The following ALK variants were observed in gnomAD, a reference collection of about 807,000 sequenced individuals.
ALK encodes the protein ALK tyrosine kinase receptor.
A neutral mutation model predicts 163.1 loss-of-function variants in ALK; 74 were observed. The observed-to-expected ratio is 0.45, with a 90% CI of 0.38 to 0.55. The LOEUF is 0.55. Among genes scored for constraint, ALK ranks in the 20% least tolerant of loss-of-function variants. ALK has a pLI of 0.00. For missense variants in ALK, 2,063 were observed against 2,105.3 expected (o/e 0.98, Z 0.39); for synonymous variants, 960 against 843.2 (o/e 1.14, Z -2.40).
chr2:29,714,987 A>G (rs1679205868), intron 2 of ALK, among the ~76,000 whole-genome samples: 1 of 152,020 alleles, frequency 6.6e-6, no homozygotes, highest in Non-Finnish European at 1.5e-5. Context: ...CCCACCGGGG[A>G]CACTATGGCA....
intron 3 of ALK, among the ~76,000 whole-genome samples, chr2:29,542,271 T>C (rs542372690): frequency 6.6e-6 from 1 of 152,340 alleles, no homozygotes; most frequent in Non-Finnish European, 1.5e-5. Context: ...ATTTATTTTA[T>C]ATCTGTCTTC....
At chr2:29,797,973 A>T (rs2148362022) in intron 1 of ALK, among the ~76,000 whole-genome samples, 1 of 152,274 alleles carries the variant, frequency 6.6e-6, no homozygotes, top group Admixed American at 6.5e-5. Flanking sequence ...CGGGGTGGTA[A>T]GCTCCATATC....
At chr2:29,488,389 G>A (rs2148123208) in intron 4 of ALK, among the ~76,000 whole-genome samples, 1 of 152,170 alleles carries the variant, frequency 6.6e-6, no homozygotes, top group East Asian at 1.9e-4. Flanking sequence ...CTCAAACACT[G>A]GTGACTCACC....
Position 29,227,707 on chromosome 2 carries a change from G to T in ALK, c.2816-35C>A. The T allele has an allele frequency of 1.9e-6, 3 of 1,563,518 alleles. No homozygotes were observed. Among genetic ancestry groups the T allele is most frequent in the Non-Finnish European group, 2.6e-6 (3 of 1,134,904 alleles). Reference sequence around the variant, plus strand: ...AAACCAGAGCAGAGTTTAACATGGGGGGTGGGTGCCAAAATCTTAACACAC... The same window carrying T: ...AAACCAGAGCAGAGTTTAACATGGGTGGTGGGTGCCAAAATCTTAACACAC... On this transcript the variant is annotated intron_variant, in intron 16 of 28. Transcript: ENST00000389048. This position sits in a 1 kb window ranked among gnomAD's most constrained non-coding sequence, Gnocchi z 4.4.
intron 3 of ALK, among the ~76,000 whole-genome samples, chr2:29,630,802 A>T (rs1377550525): frequency 6.6e-6 from 1 of 152,108 alleles, no homozygotes; most frequent in Non-Finnish European, 1.5e-5. Flanking sequence ...CAAGACTTTT[A>T]GCCTAGTTAC....
chr2:29,313,616 G>A (rs1281107718), intron 8 of ALK, among the ~76,000 whole-genome samples: 1 of 152,198 alleles, frequency 6.6e-6, no homozygotes, highest in Non-Finnish European at 1.5e-5. Flanking sequence ...AGGGCAGTGT[G>A]ACAGGAAGAG....
At chr2:29,258,177 A>G (rs1234913658) in intron 11 of ALK, among the ~76,000 whole-genome samples, 2 of 152,278 alleles carry the variant, frequency 1.3e-5, no homozygotes, top group East Asian at 3.9e-4. Flanking sequence ...TGACTGCAGC[A>G]TTTCCCAGAT....
intron 4 of ALK, among the ~76,000 whole-genome samples, chr2:29,500,735 C>T (rs944674418): frequency 7.2e-5 from 11 of 152,140 alleles, no homozygotes; most frequent in African/African-American, 2.7e-4. Flanking sequence ...CTGACCCTGT[C>T]TCATCCATCC....
At chr2:29,658,813 C>T (rs1156461316) in intron 3 of ALK, among the ~76,000 whole-genome samples, 1 of 152,134 alleles carries the variant, frequency 6.6e-6, no homozygotes, top group Non-Finnish European at 1.5e-5. Flanking sequence ...TACATACTCA[C>T]CCCTAGAATA....
intron 1 of ALK, among the ~76,000 whole-genome samples, chr2:29,850,997 C>A (rs148142043): frequency 1.3e-5 from 2 of 152,174 alleles, no homozygotes; most frequent in Non-Finnish European, 2.9e-5. Flanking sequence ...CTTCTCAATC[C>A]CCTGAAAGGA....
chr2:29,585,928 A>G (rs1204585125), intron 3 of ALK, among the ~76,000 whole-genome samples: 1 of 152,130 alleles, frequency 6.6e-6, no homozygotes, highest in Non-Finnish European at 1.5e-5. Context: ...GAGAATTAGT[A>G]GTTTAAAATA....
intron 4 of ALK, among the ~76,000 whole-genome samples, chr2:29,403,551 C>A (rs546993220): frequency 3.3e-5 from 5 of 151,712 alleles, no homozygotes; most frequent in African/African-American, 1.2e-4. Flanking sequence ...AATGTTACTG[C>A]GGTTAATCTT....
intron 3 of ALK, among the ~76,000 whole-genome samples, chr2:29,641,336 T>G (rs1343761757): frequency 1.3e-5 from 2 of 151,968 alleles, no homozygotes; most frequent in Admixed American, 1.3e-4. Context: ...GGCAAGAGTC[T>G]TGAATGAACA....
chr2:29,831,780 G>A (rs1034647095), intron 1 of ALK, among the ~76,000 whole-genome samples: 1 of 152,146 alleles, frequency 6.6e-6, no homozygotes, highest in African/African-American at 2.4e-5. Flanking sequence ...CACATGCCAG[G>A]AGGACAAATG....
chr2:29,357,600 T>C (rs10204572), intron 5 of ALK, among the ~76,000 whole-genome samples: 72,840 of 152,084 alleles, frequency 0.48, 18,276 homozygotes, highest in East Asian at 0.93. Flanking sequence ...CTCCTGGTCA[T>C]AGTGGGGGTG....
intron 1 of ALK, among the ~76,000 whole-genome samples, chr2:29,725,537 AG>A (rs1187141943): frequency 6.6e-6 from 1 of 152,210 alleles, no homozygotes; most frequent in African/African-American, 2.4e-5. Flanking sequence ...AGTGGTGTTG[AG>A]GCCATTCAAC....
At chr2:29,240,281 T>C (rs1032201678) in intron 12 of ALK, among the ~76,000 whole-genome samples, 2 of 152,140 alleles carry the variant, frequency 1.3e-5, no homozygotes, top group African/African-American at 4.8e-5. Flanking sequence ...AATGGACTCA[T>C]GTGACCTTAG....
chr2:29,383,563 C>T (rs552019155), intron 5 of ALK, among the ~76,000 whole-genome samples, 169 bp downstream of exon 5: 7 of 152,278 alleles, frequency 4.6e-5, no homozygotes, highest in Admixed American at 1.3e-4. Flanking sequence ...GTGATCCACC[C>T]GTCTCGGCCT....
intron 5 of ALK, among the ~76,000 whole-genome samples, chr2:29,354,427 G>A (rs1026607758): frequency 2.0e-5 from 3 of 152,182 alleles, no homozygotes; most frequent in African/African-American, 7.2e-5. Context: ...GTGTCTGTGA[G>A]GGTTGAGCTG....
Sources: allele counts gnomAD v4.1 joint callset (sites outside exome capture counted in the v4.1 genomes callset), GRCh38; gene constraint gnomAD v4.1.1; non-coding constraint Gnocchi (gnomAD v3.1); transcripts MANE v1.5; gene names NCBI Gene and HGNC (gene_info 2026-07-23, HGNC 2026-07-21).